Variants in PARD3B observed in about 807,000 individuals in gnomAD.
The protein encoded by PARD3B is partitioning defective 3 homolog B.
In PARD3B, 103 loss-of-function variants were observed where a neutral mutation model predicts 130.2. The observed-to-expected ratio is 0.79, with a 90% CI of 0.67 to 0.93. The LOEUF (loss-of-function observed/expected upper bound fraction) is 0.93, where lower values mean the gene tolerates loss of function less well. PARD3B is among the 40% of genes least tolerant of loss of function. The pLI is 0.00. For missense variants in PARD3B, 1,609 were observed against 1,499.2 expected (o/e 1.07, Z -1.21); for synonymous variants, 583 against 553.2 (o/e 1.05, Z -0.76).
At chr2:205,344,608 G>A (rs182710255) in intron 18 of PARD3B, among the ~76,000 whole-genome samples, 32 of 152,246 alleles carry the variant, frequency 2.1e-4, no homozygotes, top group East Asian at 1.4e-3. Context: ...CTAGAAATGC[G>A]GAACATACTC....
At chr2:204,935,852 A>T (rs868398185) in intron 2 of PARD3B, among the ~76,000 whole-genome samples, 1 of 152,292 alleles carries the variant, frequency 6.6e-6, no homozygotes, top group East Asian at 1.9e-4. Flanking sequence ...TGATAATTAC[A>T]GGATTATAGA....
At chr2:204,742,267 CAT>C (rs2040041664) in intron 2 of PARD3B, among the ~76,000 whole-genome samples, 1 of 152,106 alleles carries the variant, frequency 6.6e-6, no homozygotes, top group Admixed American at 6.6e-5. Flanking sequence ...TACATAGTCA[CAT>C]ATATTTTTCT....
At chr2:204,732,008 G>A (rs373678433) in intron 2 of PARD3B, among the ~76,000 whole-genome samples, 10 of 151,958 alleles carry the variant, frequency 6.6e-5, no homozygotes, top group African/African-American at 2.2e-4. Flanking sequence ...TTAATTTGCA[G>A]TGAGGTTGTT....
At chr2:205,197,885 G>A (rs76075980) in intron 15 of PARD3B, among the ~76,000 whole-genome samples, 4,705 of 152,286 alleles carry the variant, frequency 0.031, 99 homozygotes, top group East Asian at 0.081. Context: ...CTCAGGAGCT[G>A]AATAACACAG....
chr2:204,713,282 T>G (rs1158751222), intron 2 of PARD3B, among the ~76,000 whole-genome samples: 1 of 151,894 alleles, frequency 6.6e-6, no homozygotes, highest in African/African-American at 2.4e-5. Context: ...TGCCAACTTG[T>G]TTTCCAAATC....
chr2:204,815,107 T>A (rs1402284600), intron 2 of PARD3B, among the ~76,000 whole-genome samples: 1 of 151,936 alleles, frequency 6.6e-6, no homozygotes, highest in East Asian at 1.9e-4. Context: ...TATACTTTTC[T>A]GGAATAGTTG....
chr2:204,726,069 T>C (rs984224596), intron 2 of PARD3B, among the ~76,000 whole-genome samples: 2 of 152,204 alleles, frequency 1.3e-5, no homozygotes, highest in Non-Finnish European at 1.5e-5. Flanking sequence ...CAGCTAGGGC[T>C]GCGGACCACC....
chr2:204,682,418 T>C (rs2036877079), intron 1 of PARD3B, among the ~76,000 whole-genome samples: 1 of 152,196 alleles, frequency 6.6e-6, no homozygotes, highest in Admixed American at 6.5e-5. Flanking sequence ...GAGTTAATCA[T>C]ACAAAACACA....
chr2:205,320,478 G>A lies in PARD3B; in HGVS notation c.2630+18777G>A, dbSNP rs538491803. Among the ~76,000 whole-genome samples the A allele has an allele frequency of 9.5e-4, 144 of 152,286 alleles. 1 individual carries two copies. The highest frequency in any genetic ancestry group is 3.2e-3 in the African/African-American group (135 of 41,548). Reference sequence around the variant, plus strand: ...TATCATGTTTTATTCCATAAGAGACGTATCAGCACATAGGGAAATAGTGGT... The same window carrying A: ...TATCATGTTTTATTCCATAAGAGACATATCAGCACATAGGGAAATAGTGGT... On this transcript the variant is annotated intron_variant, in intron 18 of 22. Coordinates refer to ENST00000406610, the MANE Select transcript of PARD3B (RefSeq NM_001302769.2).
In PARD3B at chr2:205,244,219, G is replaced by A. The variant is rs2039473960; in HGVS notation, c.2141-1559G>A. On this transcript the variant is annotated intron_variant, in intron 15 of 22. Transcript: ENST00000406610. This position sits in a 1 kb window ranked among gnomAD's most constrained non-coding sequence, Gnocchi z 4.7. ...GTAACTGGGTCAATTAAGACTGAATGTTGTGGGCAGAGAAAAAAAGGGACA... is the reference window on the plus strand; with the variant it reads ...GTAACTGGGTCAATTAAGACTGAATATTGTGGGCAGAGAAAAAAAGGGACA... Among the ~76,000 whole-genome samples the A allele has an allele frequency of 6.6e-6, 1 of 152,176 alleles. No homozygotes were observed. The highest frequency in any genetic ancestry group is 1.5e-5 in the Non-Finnish European group (1 of 68,030).
intron 4 of PARD3B, among the ~76,000 whole-genome samples, chr2:205,059,771 A>G (rs902517296): frequency 1.3e-5 from 2 of 152,064 alleles, no homozygotes; most frequent in Non-Finnish European, 2.9e-5. Flanking sequence ...ACCATGAAGC[A>G]ATTTAATTTC....
chr2:205,117,175 GA>G (rs902251906), intron 6 of PARD3B, among the ~76,000 whole-genome samples: 23 of 152,076 alleles, frequency 1.5e-4, no homozygotes, highest in African/African-American at 4.8e-4. Flanking sequence ...TTAATTTAGG[GA>G]AAAAACCCAT....
intron 18 of PARD3B, among the ~76,000 whole-genome samples, chr2:205,356,835 G>C (rs116272095): frequency 0.016 from 2,422 of 150,408 alleles, 23 homozygotes; most frequent in Admixed American, 0.022. Flanking sequence ...GGGTTGCAGT[G>C]AGCTGAGATT....
intron 6 of PARD3B, among the ~76,000 whole-genome samples, chr2:205,114,255 A>G (rs2125600260): frequency 6.6e-6 from 1 of 152,270 alleles, no homozygotes; most frequent in Non-Finnish European, 1.5e-5. Context: ...CTCTTGATGG[A>G]AATTAAAGTG....
intron 15 of PARD3B, among the ~76,000 whole-genome samples, chr2:205,214,473 T>C (rs895574665): frequency 1.4e-5 from 2 of 141,922 alleles, no homozygotes; most frequent in Admixed American, 7.0e-5. Context: ...TCACGAAAAA[T>C]ACCCCAAGGT....
At chr2:204,563,223 C>G (rs370603646) in intron 1 of PARD3B, among the ~76,000 whole-genome samples, 26 of 100,414 alleles carry the variant, frequency 2.6e-4, no homozygotes, top group African/African-American at 1.3e-3. Flanking sequence ...CGCTGTCTCT[C>G]TCTCTCTCTC....
chr2:205,154,251 C>A (rs1559490782), intron 10 of PARD3B, among the ~76,000 whole-genome samples: 1 of 152,178 alleles, frequency 6.6e-6, no homozygotes, highest in Non-Finnish European at 1.5e-5. Flanking sequence ...TGAAAAAACA[C>A]TTCTCAAAAG....
Position 205,425,566 on chromosome 2 carries a change from A to G in PARD3B, c.2742-14804A>G, listed in dbSNP as rs538862358. 2.0e-5 allele frequency among the ~76,000 whole-genome samples: 3 copies of G among 151,884 alleles called. No individual in the cohort carries two copies. The East Asian group carries it at 5.8e-4, about 29-fold the overall frequency. The stretch of plus-strand genomic sequence containing the variant: ...GACTCGGTGTAAAAAAAAAAAAAAA[A>G]AACAACAACATTTGATTTGGGGAAT... On this transcript the variant is annotated intron_variant, in intron 19 of 22. Coordinates refer to ENST00000406610, the MANE Select transcript of PARD3B (RefSeq NM_001302769.2).
intron 20 of PARD3B, among the ~76,000 whole-genome samples, chr2:205,448,171 G>T (rs2047973124): frequency 6.6e-6 from 1 of 152,100 alleles, no homozygotes; most frequent in African/African-American, 2.4e-5. Context: ...CACACCTTCA[G>T]CCCTCTTGGC....
Sources: allele counts gnomAD v4.1 joint callset (sites outside exome capture counted in the v4.1 genomes callset), GRCh38; gene constraint gnomAD v4.1.1; non-coding constraint Gnocchi (gnomAD v3.1); transcripts MANE v1.5; gene names NCBI Gene and HGNC (gene_info 2026-07-23, HGNC 2026-07-21).